The following GATB variants were observed in gnomAD, a reference collection of about 807,000 sequenced individuals.
GATB encodes the protein glutamyl-tRNA amidotransferase subunit B, also known as glutamyl-tRNA(Gln) amidotransferase subunit B, mitochondrial.
In GATB, 39 loss-of-function variants were observed where a neutral mutation model predicts 62.3. The observed-to-expected ratio is 0.63, with a 90% CI of 0.48 to 0.82. GATB has a LOEUF of 0.82. GATB is among the 40% of genes least tolerant of loss of function. The pLI is 0.00. For synonymous variants in GATB, 276 were observed against 258.9 expected (o/e 1.07, Z -0.63); for missense variants, 670 against 684.0 (o/e 0.98, Z 0.23).
At chr4:151,711,249 T>C (rs76963274) in intron 5 of GATB, among the ~76,000 whole-genome samples, 1,974 of 152,304 alleles carry the variant, frequency 0.013, 43 homozygotes, top group African/African-American at 0.044. Flanking sequence ...GGAAATCCAC[T>C]TCCCACAGAG....
At chr4:151,732,596 C>A (rs1739291124) in intron 2 of GATB, among the ~76,000 whole-genome samples, 1 of 152,092 alleles carries the variant, frequency 6.6e-6, no homozygotes, top group African/African-American at 2.4e-5. Context: ...GCTGCAGGGT[C>A]CTCTGCCTAG....
chr4:151,753,338 C>T (rs777216913), intron 2 of GATB, among the ~76,000 whole-genome samples: 4 of 152,142 alleles, frequency 2.6e-5, no homozygotes, highest in Admixed American at 6.5e-5. Flanking sequence ...CAATACTTGA[C>T]GCCCCCACAT....
intron 7 of GATB, among the ~76,000 whole-genome samples, chr4:151,704,477 G>A (rs191860850): frequency 4.7e-4 from 72 of 151,712 alleles, no homozygotes; most frequent in African/African-American, 1.4e-3. Context: ...TCTTTGAGAC[G>A]GAGTCTTGCT....
chr4:151,701,485 C>A lies in GATB; in HGVS notation c.1041G>T (p.Val347=). The change falls in exon 9 of 13, where the codon GTG becomes GTT. Residue 347 remains valine (V), a synonymous_variant. Transcript: ENST00000263985. Reference sequence around the variant, plus strand: ...CGGGCAGAGATGTGGCGTCGTAGAGCACCAGGGGAGGCAGGTTGGGTTCTG... The same window carrying A: ...CGGGCAGAGATGTGGCGTCGTAGAGAACCAGGGGAGGCAGGTTGGGTTCTG... The part of the protein sequence containing the change: ...FMPEPNLPPL[V]LYDATSLPAG... The A allele has an allele frequency of 6.3e-7, 1 of 1,581,386 alleles. No individual in the cohort carries two copies. Among genetic ancestry groups the A allele is most frequent in the Non-Finnish European group, 8.6e-7 (1 of 1,162,224 alleles).
chr4:151,731,656 G>A (rs965465893), intron 2 of GATB, among the ~76,000 whole-genome samples: 7 of 151,838 alleles, frequency 4.6e-5, no homozygotes, highest in Admixed American at 2.6e-4. Flanking sequence ...CTGCCATCCC[G>A]TCTAGGAAGT....
At chr4:151,689,452 T>C (rs1738318531) in intron 9 of GATB, among the ~76,000 whole-genome samples, 2 of 152,114 alleles carry the variant, frequency 1.3e-5, no homozygotes, top group South Asian at 2.1e-4. Flanking sequence ...CCTCTCATCG[T>C]TTCCTGGGGA....
At position 151,730,919 on chromosome 4, in the gene GATB, A is replaced by C. The variant is rs112802557; in HGVS notation, c.328-11381T>G. 1.1e-4 allele frequency among the ~76,000 whole-genome samples: 16 copies of C among 152,360 alleles called. No homozygotes were observed. The highest frequency in any genetic ancestry group is 3.4e-4 in the African/African-American group (14 of 41,586). On this transcript the variant is annotated intron_variant, in intron 2 of 12. Coordinates refer to ENST00000263985, the MANE Select transcript of GATB (RefSeq NM_004564.3). The surrounding 1 kb of genome is among the most constrained non-coding windows in gnomAD (Gnocchi z 4.1). ...AGTTTACCAGCAATGAATCCAAATCAAGAAGAAATCCCTGATTTACCTGAA... is the reference window on the plus strand; with the variant it reads ...AGTTTACCAGCAATGAATCCAAATCCAGAAGAAATCCCTGATTTACCTGAA...
chr4:151,747,604 G>A (rs563448680), intron 2 of GATB, among the ~76,000 whole-genome samples: 1 of 152,192 alleles, frequency 6.6e-6, no homozygotes, highest in African/African-American at 2.4e-5. Context: ...AAATCACACT[G>A]AGCAGAATAA....
chr4:151,720,651 C>T (rs916398616), intron 2 of GATB: 6 of 152,114 alleles, frequency 3.9e-5, no homozygotes, highest in East Asian at 1.9e-4. Context: ...CTCACAGCAA[C>T]GCTGTAAAAT....
At chr4:151,725,870 C>T (rs548574487) in intron 2 of GATB, among the ~76,000 whole-genome samples, 63 of 152,316 alleles carry the variant, frequency 4.1e-4, no homozygotes, top group African/African-American at 1.5e-3. Context: ...TTTCTCTCCC[C>T]TTCCTACTTT....
chr4:151,734,076 T>C (rs984195378), intron 2 of GATB, among the ~76,000 whole-genome samples: 2 of 152,156 alleles, frequency 1.3e-5, no homozygotes, highest in Admixed American at 6.5e-5. Context: ...CTCTTCAATA[T>C]AGTACTGGAC....
chr4:151,697,953 G>GTA (rs56231389), intron 9 of GATB, among the ~76,000 whole-genome samples: 3,830 of 39,776 alleles, frequency 0.096, 152 homozygotes, highest in East Asian at 0.2. Context: ...GTGTGTGTGT[G>GTA]TATATATATA....
chr4:151,712,825 A>C (rs976560164), intron 5 of GATB, among the ~76,000 whole-genome samples: 5 of 152,202 alleles, frequency 3.3e-5, no homozygotes, highest in African/African-American at 1.2e-4. Flanking sequence ...TCATTAGTAC[A>C]TTTCTTGACA....
chr4:151,695,602 C>T (rs1333962260), intron 9 of GATB, among the ~76,000 whole-genome samples: 1 of 152,154 alleles, frequency 6.6e-6, no homozygotes, highest in Non-Finnish European at 1.5e-5. Flanking sequence ...TTCCCGTCTA[C>T]TGACTGCATG....
intron 2 of GATB, among the ~76,000 whole-genome samples, chr4:151,738,292 A>T (rs1739420100): frequency 6.6e-6 from 1 of 152,120 alleles, no homozygotes; most frequent in South Asian, 2.1e-4. Context: ...GAGATTTAAG[A>T]TTTGACCTGG....
Position 151,688,771 on chromosome 4 carries a change from A to T in GATB, c.1198-8T>A. ...CAGTAGGCCGACTTCGTTCTGTTAA[A>T]AAAAAAAAAAGAAAATTACATAAAG... On this transcript the variant is annotated splice_polypyrimidine_tract_variant and splice_region_variant and intron_variant, in intron 9 of 12. Transcript: ENST00000263985. The T allele has an allele frequency of 6.9e-7, 1 of 1,445,198 alleles. No individual in the cohort carries two copies. The highest frequency in any genetic ancestry group is 9.3e-7 in the Non-Finnish European group (1 of 1,076,452). The allele number at this position is 1,445,198 out of a possible 1,614,324, so 89.5% of individuals were successfully genotyped here. A position where few individuals can be genotyped will look rare whatever the true frequency, so the allele number is the denominator to read the frequency against.
chr4:151,710,482 G>A (rs1435409883), intron 5 of GATB, among the ~76,000 whole-genome samples: 5 of 152,010 alleles, frequency 3.3e-5, no homozygotes, highest in Admixed American at 6.6e-5. Context: ...CACTGTCTCC[G>A]CTGTTTCACT....
At chr4:151,689,189 C>A (rs1738313547) in intron 9 of GATB, among the ~76,000 whole-genome samples, 1 of 152,074 alleles carries the variant, frequency 6.6e-6, no homozygotes, top group African/African-American at 2.4e-5. Context: ...CCAGTAATTG[C>A]TAGAAAAGAG....
At chr4:151,679,673 T>C in intron 11 of GATB, 140 bp downstream of exon 11, 1 of 755,604 alleles carries the variant, frequency 1.3e-6, no homozygotes, top group Non-Finnish European at 2.3e-6. Flanking sequence ...AAAATGTTTC[T>C]ACCTTTCAGC....
Sources: allele counts gnomAD v4.1 joint callset (sites outside exome capture counted in the v4.1 genomes callset), GRCh38; gene constraint gnomAD v4.1.1; non-coding constraint Gnocchi (gnomAD v3.1); transcripts MANE v1.5; gene names NCBI Gene and HGNC (gene_info 2026-07-23, HGNC 2026-07-21).